The following CBLB variants were observed in gnomAD, a reference collection of about 807,000 sequenced individuals.
The protein encoded by CBLB is Cbl proto-oncogene B, also known as E3 ubiquitin-protein ligase CBL-B.
Under a neutral mutation model 104.9 loss-of-function variants are expected in CBLB, and 31 were observed. That is an observed-to-expected ratio of 0.30 (90% CI 0.22 to 0.40). The LOEUF (loss-of-function observed/expected upper bound fraction) is 0.40. Among genes scored for constraint, CBLB ranks in the 10% least tolerant of loss-of-function variants. The pLI, the probability that CBLB is intolerant of heterozygous loss-of-function variation, is 1.00. For synonymous variants in CBLB, 440 were observed against 422.6 expected (o/e 1.04, Z -0.51); for missense variants, 1,062 against 1,214.6 (o/e 0.87, Z 1.87).
At chr3:105,846,062 A>T (rs986520869) in intron 3 of CBLB, among the ~76,000 whole-genome samples, 3 of 152,084 alleles carry the variant, frequency 2.0e-5, no homozygotes. Context: ...TCATTCCTCT[A>T]GTTTCCCATT....
intron 4 of CBLB, among the ~76,000 whole-genome samples, chr3:105,755,055 G>C (rs1007171375): frequency 1.3e-5 from 2 of 149,936 alleles, no homozygotes; most frequent in Non-Finnish European, 2.9e-5. Flanking sequence ...CTAAGTTTTA[G>C]GGTACATGTA....
At chr3:105,733,448 C>A (rs1038141388) in intron 9 of CBLB, among the ~76,000 whole-genome samples, 2 of 151,978 alleles carry the variant, frequency 1.3e-5, no homozygotes, top group Admixed American at 1.3e-4. Context: ...TTATTGAATG[C>A]CTGCGGCAGA....
At chr3:105,670,146 T>C in intron 18 of CBLB, 87 bp downstream of exon 18, 1 of 1,146,618 alleles carries the variant, frequency 8.7e-7, no homozygotes, top group South Asian at 1.3e-5. Context: ...ATTCATTAAA[T>C]TATATAATGA....
At chr3:105,824,882 A>G (rs567650887) in intron 3 of CBLB, among the ~76,000 whole-genome samples, 18 of 152,270 alleles carry the variant, frequency 1.2e-4, no homozygotes, top group African/African-American at 3.8e-4. Flanking sequence ...TAAAAGAAAC[A>G]TATCCCCATT....
chr3:105,852,976 C>T (rs2091150667), intron 3 of CBLB, among the ~76,000 whole-genome samples: 1 of 152,204 alleles, frequency 6.6e-6, no homozygotes, highest in Non-Finnish European at 1.5e-5. Context: ...CTCAGCCTCT[C>T]AAAGTGCTGG....
At chr3:105,743,197 C>T (rs1307127209) in intron 6 of CBLB, among the ~76,000 whole-genome samples, 1 of 152,038 alleles carries the variant, frequency 6.6e-6, no homozygotes, top group African/African-American at 2.4e-5. Flanking sequence ...GTGGCTCACA[C>T]CTGTAATCCC....
chr3:105,671,197 A>G (rs971070550), intron 17 of CBLB: 8 of 199,498 alleles, frequency 4.0e-5, no homozygotes, highest in African/African-American at 1.8e-4. Context: ...TAGAGAATTG[A>G]TTCCCTTTTT....
rs147522105 is a variant in CBLB, at chr3:105,767,478, G to A, written c.566+8918C>T. On this transcript the variant is annotated intron_variant, in intron 4 of 18. Coordinates refer to ENST00000394030, the MANE Select transcript of CBLB (RefSeq NM_170662.5). ...ATAAATAAACCATTTTCCCCCTGTG[G>A]TAACCAAGACAGTTTCTTATTTTCA... Among the ~76,000 whole-genome samples the A allele has an allele frequency of 3.2e-3, 478 of 151,712 alleles. 4 individuals carry two copies. The highest frequency in any genetic ancestry group is 0.011 in the African/African-American group (443 of 41,412).
chr3:105,852,516 G>A (rs942438768), intron 3 of CBLB, among the ~76,000 whole-genome samples: 5 of 152,060 alleles, frequency 3.3e-5, no homozygotes, highest in African/African-American at 1.2e-4. Flanking sequence ...AAAATTAAAA[G>A]TTTATCAAGT....
intron 2 of CBLB, among the ~76,000 whole-genome samples, chr3:105,863,074 GAAGA>G (rs2092221925): frequency 6.6e-6 from 1 of 152,262 alleles, no homozygotes; most frequent in South Asian, 2.1e-4. Context: ...CTTCTAAAAA[GAAGA>G]AAGAAATAGA....
chr3:105,750,364 A>C (rs1576861356), intron 5 of CBLB, among the ~76,000 whole-genome samples: 1 of 152,172 alleles, frequency 6.6e-6, no homozygotes, highest in Non-Finnish European at 1.5e-5. Flanking sequence ...AGAATTATAA[A>C]TCAGAGAAGT....
chr3:105,729,927 G>A (rs1036217442), intron 9 of CBLB, among the ~76,000 whole-genome samples: 1 of 152,046 alleles, frequency 6.6e-6, no homozygotes. Context: ...TACGCTAGTT[G>A]GCAGGAAGCA....
intron 6 of CBLB, among the ~76,000 whole-genome samples, chr3:105,741,027 CA>C (rs1400242489): frequency 1.4e-5 from 2 of 144,608 alleles, no homozygotes; most frequent in Admixed American, 1.4e-4. Context: ...CTACCTCAGA[CA>C]AAAACTGAGC....
chr3:105,761,263 C>T (rs1440561924), intron 4 of CBLB, among the ~76,000 whole-genome samples: 1 of 152,188 alleles, frequency 6.6e-6, no homozygotes, highest in African/African-American at 2.4e-5. Flanking sequence ...AACTTCTGGA[C>T]TCAAGTGATC....
chr3:105,771,878 A>G (rs2078913314), intron 4 of CBLB, among the ~76,000 whole-genome samples: 3 of 152,212 alleles, frequency 2.0e-5, no homozygotes, highest in Admixed American at 2.0e-4. Context: ...TGAAACACAG[A>G]AATTATAGAT....
chr3:105,776,919 A>C (rs1032622425), intron 3 of CBLB, among the ~76,000 whole-genome samples: 2 of 152,206 alleles, frequency 1.3e-5, no homozygotes, highest in African/African-American at 2.4e-5. Flanking sequence ...GGAGTAAGGA[A>C]AGATTTGCCA....
intron 4 of CBLB, among the ~76,000 whole-genome samples, chr3:105,775,300 A>G (rs555907470): frequency 6.6e-6 from 1 of 152,224 alleles, no homozygotes; most frequent in East Asian, 1.9e-4. Context: ...AATGTACATT[A>G]CTCTATGTAG....
At chr3:105,671,166 T>G (rs62263057) in intron 17 of CBLB, 12,732 of 194,838 alleles carry the variant, frequency 0.065, 619 homozygotes, top group Admixed American at 0.15. Flanking sequence ...ACATTCATAG[T>G]ATTATATGGG....
At chr3:105,833,395 A>G (rs1261350649) in intron 3 of CBLB, among the ~76,000 whole-genome samples, 1 of 152,222 alleles carries the variant, frequency 6.6e-6, no homozygotes, top group African/African-American at 2.4e-5. Flanking sequence ...TCTGAGACAG[A>G]CAGGCTTATT....
Sources: gnomAD v4.1 joint callset for allele counts (sites outside exome capture counted in the v4.1 genomes callset) on GRCh38, gnomAD v4.1.1 for gene constraint, MANE v1.5 for transcripts, NCBI Gene and HGNC (gene_info 2026-07-23, HGNC 2026-07-21) for gene names.